IL1RAPL2: variants seen among roughly 807,000 people sequenced by gnomAD.
IL1RAPL2 encodes the protein X-linked interleukin-1 receptor accessory protein-like 2.
In IL1RAPL2, 3 loss-of-function variants were observed where a neutral mutation model predicts 44.1. That is an observed-to-expected ratio of 0.07 (90% confidence interval 0.03 to 0.18). The LOEUF (loss-of-function observed/expected upper bound fraction) is 0.18, where lower values mean the gene tolerates loss of function less well. Among genes scored for constraint, IL1RAPL2 ranks in the 10% least tolerant of loss-of-function variants. IL1RAPL2 has a pLI of 1.00. For missense variants in IL1RAPL2, 391 were observed against 496.4 expected (o/e 0.79, Z 2.02); for synonymous variants, 181 against 178.8 (o/e 1.01, Z -0.10).
In IL1RAPL2 at chrX:105,348,403, C is replaced by T. The variant is rs2035127381; in HGVS notation, c.697+80862C>T. Among the ~76,000 whole-genome samples the T allele has an allele frequency of 5.3e-5, 6 of 112,185 alleles. No homozygotes were observed. In the South Asian group the frequency reaches 1.9e-3, roughly 35 times the overall value. ...TCCATTTAAGAAATGAATACATTAA[C>T]AGTCACTATTTCATAGAGCTGTTGT... On this transcript the variant is annotated intron_variant, in intron 5 of 10. Coordinates refer to ENST00000372582, the MANE Select transcript of IL1RAPL2 (RefSeq NM_017416.2).
chrX:104,675,946 T>G (rs1930742235), intron 2 of IL1RAPL2, among the ~76,000 whole-genome samples: 5 of 105,298 alleles, frequency 4.7e-5, no homozygotes, highest in Admixed American at 4.1e-4. Flanking sequence ...GTTTTCCATT[T>G]GCTTGGTAGA....
intron 2 of IL1RAPL2, among the ~76,000 whole-genome samples, chrX:104,989,790 G>A (rs889958173): frequency 2.7e-5 from 3 of 111,219 alleles, no homozygotes; most frequent in Non-Finnish European, 5.7e-5. Context: ...ACTAATTATT[G>A]GAACTCATTT....
chrX:105,262,394 C>A, intron 4 of IL1RAPL2, among the ~76,000 whole-genome samples: 1 of 111,704 alleles, frequency 9.0e-6, no homozygotes, highest in Admixed American at 9.5e-5. Context: ...TATATCATAA[C>A]ACATGTATAA....
Position 104,944,989 on chromosome X carries a change from A to G in IL1RAPL2, c.83-250486A>G, listed in dbSNP as rs187748340. Among the ~76,000 whole-genome samples the G allele has an allele frequency of 4.1e-3, 462 of 111,887 alleles. 3 individuals are homozygous for G. Among genetic ancestry groups the G allele is most frequent in the Non-Finnish European group, 5.3e-3 (284 of 53,153 alleles). On this transcript the variant is annotated intron_variant, in intron 2 of 10. Transcript: ENST00000372582. ...CTACTTTAAAAGTTGTAAGGAATAG[A>G]TAAATAATTTGAAAAGTAATTAGCA...
intron 2 of IL1RAPL2, among the ~76,000 whole-genome samples, chrX:104,706,713 T>A (rs1208191076): frequency 8.9e-6 from 1 of 112,025 alleles, no homozygotes; most frequent in Non-Finnish European, 1.9e-5. Context: ...TTTTCTGCAA[T>A]AAGCCTTGGT....
intron 4 of IL1RAPL2, among the ~76,000 whole-genome samples, chrX:105,247,603 A>ATG (rs10588244): frequency 0.031 from 2,980 of 94,963 alleles, 52 homozygotes; most frequent in Middle Eastern, 0.043. Flanking sequence ...ATATATATAT[A>ATG]TGTGTGTGTG....
chrX:104,913,221 G>A (rs1017816489), intron 2 of IL1RAPL2, among the ~76,000 whole-genome samples: 1 of 111,245 alleles, frequency 9.0e-6, no homozygotes, highest in African/African-American at 3.3e-5. Flanking sequence ...TCGACCACAG[G>A]AGACAGAGTT....
chrX:105,370,110 C>A (rs1260634613), intron 5 of IL1RAPL2, among the ~76,000 whole-genome samples: 2 of 111,966 alleles, frequency 1.8e-5, no homozygotes, highest in Admixed American at 9.5e-5. Context: ...CACTACTCTT[C>A]CCTATTTTCT....
At chrX:104,952,606 G>A (rs751651370) in intron 2 of IL1RAPL2, among the ~76,000 whole-genome samples, 2 of 111,089 alleles carry the variant, frequency 1.8e-5, no homozygotes, top group Non-Finnish European at 3.8e-5. Flanking sequence ...TACACCCTAG[G>A]CCCTAATCAG....
chrX:104,793,270 G>A (rs1035942258), intron 2 of IL1RAPL2, among the ~76,000 whole-genome samples: 3 of 112,100 alleles, frequency 2.7e-5, no homozygotes, highest in African/African-American at 9.7e-5. Flanking sequence ...CCATTGAGAG[G>A]CTGAGAATCT....
chrX:105,243,603 A>T (rs1021101913), intron 4 of IL1RAPL2, among the ~76,000 whole-genome samples: 1,703 of 86,680 alleles, frequency 0.02, 34 homozygotes, highest in African/African-American at 0.11. Flanking sequence ...ATATATATAT[A>T]TATTTTTTTT....
At chrX:104,604,787 G>T (rs1928969730) in intron 1 of IL1RAPL2, among the ~76,000 whole-genome samples, 1 of 110,935 alleles carries the variant, frequency 9.0e-6, no homozygotes, top group African/African-American at 3.3e-5. Context: ...ATATATACAT[G>T]CACCTAATAC....
intron 2 of IL1RAPL2, among the ~76,000 whole-genome samples, chrX:104,682,052 C>T (rs749850867): frequency 8.9e-5 from 10 of 112,361 alleles, no homozygotes; most frequent in African/African-American, 3.2e-4. Flanking sequence ...TTTGAGAACT[C>T]CCTTCAGAAC....
At chrX:105,554,572 G>A (rs761251192) in intron 6 of IL1RAPL2, among the ~76,000 whole-genome samples, 1 of 110,532 alleles carries the variant, frequency 9.0e-6, no homozygotes, top group East Asian at 2.9e-4. Flanking sequence ...TTAAGCTGCT[G>A]GATATTGTTC....
intron 1 of IL1RAPL2, among the ~76,000 whole-genome samples, chrX:104,580,294 T>C (rs751531748): frequency 5.3e-5 from 6 of 112,616 alleles, no homozygotes; most frequent in African/African-American, 1.9e-4. Context: ...TAGACATCTG[T>C]GTTCTGTCAC....
chrX:105,081,957 C>T (rs756911950), intron 2 of IL1RAPL2, among the ~76,000 whole-genome samples: 1 of 111,540 alleles, frequency 9.0e-6, no homozygotes, highest in Non-Finnish European at 1.9e-5. Flanking sequence ...ATGTCTCCGC[C>T]AGGTTTTGGC....
chrX:105,093,532 A>G (rs1237882060), intron 2 of IL1RAPL2, among the ~76,000 whole-genome samples: 2 of 111,529 alleles, frequency 1.8e-5, no homozygotes, highest in Non-Finnish European at 3.8e-5. Flanking sequence ...AAGGAGGGAT[A>G]CTCTGAAGCT....
chrX:105,615,849 C>T (rs976381247), intron 6 of IL1RAPL2, among the ~76,000 whole-genome samples: 1 of 112,024 alleles, frequency 8.9e-6, no homozygotes. Context: ...GTTTGTAATG[C>T]AAAGGATAAA....
chrX:105,682,415 T>C (rs1177945781), intron 6 of IL1RAPL2, among the ~76,000 whole-genome samples: 1 of 111,731 alleles, frequency 9.0e-6, no homozygotes, highest in Non-Finnish European at 1.9e-5. Context: ...TGAAATCTAG[T>C]GGCCTAGAAG....
Sources: gnomAD v4.1 joint callset for allele counts (sites outside exome capture counted in the v4.1 genomes callset) on GRCh38, gnomAD v4.1.1 for gene constraint, MANE v1.5 for transcripts, NCBI Gene and HGNC (gene_info 2026-07-23, HGNC 2026-07-21) for gene names.